Variants in GRAMD1B observed in about 807,000 individuals in gnomAD.
The protein encoded by GRAMD1B is GRAM domain containing 1B, also known as protein Aster-B.
Under a neutral mutation model 99.7 loss-of-function variants are expected in GRAMD1B, and 37 were observed. That is an observed-to-expected ratio of 0.37 (90% confidence interval 0.29 to 0.49). The LOEUF is 0.49. Ranked by LOEUF, GRAMD1B falls within the 20% of genes least tolerant of loss-of-function variation. The pLI is 0.98. For missense variants in GRAMD1B, 888 were observed against 1,009.2 expected, an observed-to-expected ratio of 0.88 and a Z score of 1.63; for synonymous variants, 427 against 387.6, an observed-to-expected ratio of 1.10 and a Z score of -1.19.
chr11:123,367,943 G>A (rs527631950), intron 1 of GRAMD1B, among the ~76,000 whole-genome samples: 15 of 152,032 alleles, frequency 9.9e-5, no homozygotes, highest in Non-Finnish European at 1.5e-4. Flanking sequence ...GGTGGATGGT[G>A]GAGGCTGTGG....
At chr11:123,373,502 T>C (rs1946596688) in intron 1 of GRAMD1B, among the ~76,000 whole-genome samples, 1 of 152,154 alleles carries the variant, frequency 6.6e-6, no homozygotes, top group Non-Finnish European at 1.5e-5. Flanking sequence ...GTCAGTTTGG[T>C]AGATTTGATG....
chr11:123,426,196 A>G (rs572016124), upstream of GRAMD1B, among the ~76,000 whole-genome samples: 3 of 152,314 alleles, frequency 2.0e-5, no homozygotes, highest in East Asian at 5.8e-4. Flanking sequence ...CCACAGTAGT[A>G]GGGTGGGCTG....
intron 2 of GRAMD1B, among the ~76,000 whole-genome samples, chr11:123,519,499 C>T (rs1222142034): frequency 2.0e-5 from 3 of 152,218 alleles, no homozygotes; most frequent in Admixed American, 2.0e-4. Flanking sequence ...TCACTTGCTT[C>T]CTGACCTCCA....
intron 17 of GRAMD1B, among the ~76,000 whole-genome samples, chr11:123,617,444 C>G (rs1954585970): frequency 6.6e-6 from 1 of 152,200 alleles, no homozygotes; most frequent in South Asian, 2.1e-4. Context: ...CCACCTTGGC[C>G]TCCCAAAGTG....
At chr11:123,458,848 A>C in intron 1 of GRAMD1B, 1 of 152,172 alleles carries the variant, frequency 6.6e-6, no homozygotes, top group East Asian at 1.9e-4. Flanking sequence ...CAAGTCTGCA[A>C]ATGGGTAGTT....
At chr11:123,433,962 G>GC (rs1949034563) in intron 1 of GRAMD1B, among the ~76,000 whole-genome samples, 2 of 152,034 alleles carry the variant, frequency 1.3e-5, no homozygotes, top group Admixed American at 6.6e-5. Flanking sequence ...GGGCGCAGTG[G>GC]CTCACGCCTG....
At chr11:123,618,053 C>T (rs1186136332) in intron 17 of GRAMD1B, among the ~76,000 whole-genome samples, 2 of 152,138 alleles carry the variant, frequency 1.3e-5, no homozygotes, top group African/African-American at 4.8e-5. Context: ...AGCTAGGGAC[C>T]CACTGGAATT....
rs77143412 is a variant in GRAMD1B, at chr11:123,590,910, G to T, written c.685-3172G>T. Among the ~76,000 whole-genome samples, 1,443 of 152,292 alleles carry T rather than the reference G, an allele frequency of 9.5e-3. 23 individuals are homozygous for T. The highest frequency in any genetic ancestry group is 0.032 in the African/African-American group (1,349 of 41,566). On this transcript the variant is annotated intron_variant, in intron 4 of 19. Transcript: ENST00000635736. Reference sequence around the variant, plus strand: ...CTGCTGCGTCTAAGTGACTGGCGGGGTTAGACCCTGGACCCGGCTGTGGAT... The same window carrying T: ...CTGCTGCGTCTAAGTGACTGGCGGGTTTAGACCCTGGACCCGGCTGTGGAT...
At position 123,466,266 on chromosome 11, in the gene GRAMD1B, ACT is replaced by A. The variant is rs1182822412; in HGVS notation, c.375-14547_375-14546del. Among the ~76,000 whole-genome samples the A allele has an allele frequency of 2.7e-5, 4 of 150,922 alleles. No individual in the cohort carries two copies. In the Admixed American group the frequency reaches 2.7e-4, roughly 10 times the overall value. ...ACTCCAGCGTGGGTGACAGAGTGAG[ACT>A]CTGTCAAGGAAGGAAGGAAGGAAAA... On this transcript the variant is annotated intron_variant, in intron 1 of 19. Coordinates refer to ENST00000635736, the MANE Select transcript of GRAMD1B (RefSeq NM_001387025.1).
chr11:123,610,180 C>A lies in GRAMD1B; in HGVS notation c.1777-16C>A. 2 of 1,613,680 alleles carry A rather than the reference C, an allele frequency of 1.2e-6. No homozygotes were observed. The highest frequency in any genetic ancestry group is 1.7e-6 in the Non-Finnish European group (2 of 1,179,704). On this transcript the variant is annotated splice_polypyrimidine_tract_variant and intron_variant, in intron 13 of 19. Transcript: ENST00000635736. This position sits in a 1 kb window ranked among gnomAD's most constrained non-coding sequence, Gnocchi z 4.1. ...CTCCTCTTCAGTTTTGTCCAATGGA[C>A]CTTTCCTGCCCGCAGACCATGTACA...
chr11:123,434,367 T>C (rs1949063444), intron 1 of GRAMD1B, among the ~76,000 whole-genome samples: 1 of 152,150 alleles, frequency 6.6e-6, no homozygotes, highest in Non-Finnish European at 1.5e-5. Flanking sequence ...TGCCTTCTGT[T>C]GGAATCTATT....
At position 123,625,139 on chromosome 11, in the gene GRAMD1B, C is replaced by G. The variant is rs3741112; in HGVS notation, c.*2544C>G. On this transcript the variant is annotated 3_prime_UTR_variant, in exon 20 of 20. Coordinates refer to ENST00000635736, the MANE Select transcript of GRAMD1B (RefSeq NM_001387025.1). Reference sequence around the variant, plus strand: ...CCCTTAGTCAATAGCTTGCGAAAGACATCTTAACTCACCCTTGCAGATAAG... The same window carrying G: ...CCCTTAGTCAATAGCTTGCGAAAGAGATCTTAACTCACCCTTGCAGATAAG... 0.25 allele frequency: 38,469 copies of G among 152,162 alleles called. 5,246 individuals carry two copies. The highest frequency in any genetic ancestry group is 0.37 in the South Asian group (1,781 of 4,822). 9.4% of individuals were successfully genotyped at this position (152,162 alleles called of 1,614,324 possible).
intron 1 of GRAMD1B, among the ~76,000 whole-genome samples, chr11:123,370,380 G>A (rs1372828037): frequency 7.2e-5 from 9 of 124,378 alleles, no homozygotes; most frequent in East Asian, 2.3e-4. Context: ...TCACTCTGTC[G>A]CCCAGGCTGG....
intron 3 of GRAMD1B, among the ~76,000 whole-genome samples, chr11:123,579,327 G>A (rs1161785219): frequency 6.6e-6 from 1 of 152,230 alleles, no homozygotes; most frequent in Non-Finnish European, 1.5e-5. Context: ...GTGCTTTGGG[G>A]AGGAGGAGGG....
chr11:123,441,428 C>T (rs1001922717), intron 1 of GRAMD1B, among the ~76,000 whole-genome samples: 1 of 151,988 alleles, frequency 6.6e-6, no homozygotes, highest in Admixed American at 6.6e-5. Context: ...GCCGCTTGAG[C>T]CGAGGAGTTG....
chr11:123,531,415 G>A (rs75315584), intron 2 of GRAMD1B, among the ~76,000 whole-genome samples: 1 of 94,270 alleles, frequency 1.1e-5, no homozygotes, highest in African/African-American at 2.9e-5. Flanking sequence ...TTGCTTTGTT[G>A]TGTTATTGTC....
intron 1 of GRAMD1B, among the ~76,000 whole-genome samples, chr11:123,419,397 AG>A (rs1367470482): frequency 6.6e-6 from 1 of 152,214 alleles, no homozygotes; most frequent in Non-Finnish European, 1.5e-5. Flanking sequence ...TGGGAGGCCA[AG>A]GCTAAAGGAT....
chr11:123,621,880 T>TTTTC (rs1162304032), intron 19 of GRAMD1B, among the ~76,000 whole-genome samples: 10 of 150,016 alleles, frequency 6.7e-5, no homozygotes, highest in South Asian at 6.3e-4. Flanking sequence ...CTTTCTTTCT[T>TTTTC]TTTCTTTCTT....
intron 1 of GRAMD1B, among the ~76,000 whole-genome samples, chr11:123,371,726 T>C (rs1371516913): frequency 1.3e-5 from 2 of 152,242 alleles, no homozygotes; most frequent in African/African-American, 2.4e-5. Flanking sequence ...GATCTTTCTG[T>C]CATGCAGGGA....
Sources: gnomAD v4.1 joint callset for allele counts (sites outside exome capture counted in the v4.1 genomes callset) on GRCh38, gnomAD v4.1.1 for gene constraint, Gnocchi (gnomAD v3.1) non-coding constraint, MANE v1.5 for transcripts, NCBI Gene and HGNC (gene_info 2026-07-23, HGNC 2026-07-21) for gene names.